STK38L: variants seen among roughly 807,000 people sequenced by gnomAD.
STK38L encodes the protein serine/threonine kinase 38 like.
A neutral mutation model predicts 59.7 loss-of-function variants in STK38L; 28 were observed. The observed-to-expected ratio is 0.47, with a 90% CI of 0.35 to 0.64. The LOEUF is 0.64. Among genes scored for constraint, STK38L ranks in the 30% least tolerant of loss-of-function variants. The pLI, the probability that STK38L is intolerant of heterozygous loss-of-function variation, is 0.01. For synonymous variants in STK38L, 162 were observed against 176.8 expected (o/e 0.92, Z 0.66); for missense variants, 314 against 555.8 (o/e 0.56, Z 4.37).
intron 11 of STK38L, among the ~76,000 whole-genome samples, chr12:27,318,537 G>T (rs1944642671): frequency 6.6e-6 from 1 of 152,130 alleles, no homozygotes; most frequent in Non-Finnish European, 1.5e-5. Flanking sequence ...TACTTCTAGG[G>T]ATTTCGCTTA....
At chr12:27,267,738 TC>T (rs34889661) in intron 1 of STK38L, among the ~76,000 whole-genome samples, 129,128 of 151,528 alleles carry the variant, frequency 0.85, 55,222 homozygotes, top group Non-Finnish European at 0.89. Context: ...TCTTCCTCAT[TC>T]GAAACTAGAT....
chr12:27,315,332 G>A lies in STK38L; in HGVS notation c.819G>A (p.Lys273=), dbSNP rs1206825373. Reference sequence around the variant, plus strand: ...CAAAGAGGAAAGCAGAAACTTGGAAGAAGAACAGGAGACAACTGGTGAGTC... The same window carrying A: ...CAAAGAGGAAAGCAGAAACTTGGAAAAAGAACAGGAGACAACTGGTGAGTC... ...MNSKRKAETW[K]KNRRQLAYST... The change falls in exon 9 of 14, where the codon AAG becomes AAA. Residue 273 remains lysine, a synonymous_variant. Coordinates refer to ENST00000389032, the MANE Select transcript of STK38L (RefSeq NM_015000.4). 1 of 1,613,596 alleles carries A rather than the reference G, an allele frequency of 6.2e-7. No individual in the cohort carries two copies. The highest frequency in any genetic ancestry group is 1.3e-5 in the African/African-American group (1 of 74,886).
At chr12:27,302,018 G>GC in intron 2 of STK38L, 119 bp from the exon 3 acceptor site, 1 of 554,174 alleles carries the variant, frequency 1.8e-6, no homozygotes, top group Non-Finnish European at 2.8e-6. Flanking sequence ...CAACTTGAAA[G>GC]TTTTTTTTTT....
At chr12:27,277,392 C>CCACA (rs58648742) in intron 1 of STK38L, among the ~76,000 whole-genome samples, 45 of 148,694 alleles carry the variant, frequency 3.0e-4, no homozygotes, top group Non-Finnish European at 5.7e-4. Context: ...CTGGAAGGAA[C>CCACA]CACACACACA....
At chr12:27,277,392 CCACACACACACACACA>C (rs58648742) in intron 1 of STK38L, among the ~76,000 whole-genome samples, 3 of 148,694 alleles carry the variant, frequency 2.0e-5, no homozygotes, top group Non-Finnish European at 4.5e-5. Context: ...CTGGAAGGAA[CCACACACACACACACA>C]CACACACACA....
chr12:27,303,074 C>T (rs180756223), intron 3 of STK38L, among the ~76,000 whole-genome samples: 2 of 150,594 alleles, frequency 1.3e-5, no homozygotes, highest in African/African-American at 2.4e-5. Context: ...TTATCTCTCT[C>T]TAGCCTCATC....
chr12:27,309,713 T>G (rs1423226565), intron 5 of STK38L, among the ~76,000 whole-genome samples: 2 of 152,218 alleles, frequency 1.3e-5, no homozygotes, highest in Non-Finnish European at 2.9e-5. Context: ...CATTGGAGAT[T>G]AAAGCTTTAC....
intron 3 of STK38L, among the ~76,000 whole-genome samples, chr12:27,306,656 G>C (rs1346381399): frequency 2.0e-5 from 3 of 149,138 alleles, no homozygotes; most frequent in Non-Finnish European, 4.4e-5. Flanking sequence ...TGATATTTAA[G>C]TAGCTTCCCT....
intron 1 of STK38L, chr12:27,245,670 T>C (rs1430883960): frequency 6.6e-6 from 1 of 152,154 alleles, no homozygotes; most frequent in Non-Finnish European, 1.5e-5. Context: ...GTATGTGAAT[T>C]AGCCACCCTT....
intron 1 of STK38L, among the ~76,000 whole-genome samples, chr12:27,289,366 T>G (rs1943847671): frequency 6.6e-6 from 1 of 152,148 alleles, no homozygotes; most frequent in Non-Finnish European, 1.5e-5. Flanking sequence ...TAAAAAAAAA[T>G]GAAGTTCAGA....
intron 1 of STK38L, among the ~76,000 whole-genome samples, chr12:27,282,511 A>G (rs1009636162): frequency 6.6e-6 from 1 of 152,010 alleles, no homozygotes; most frequent in Non-Finnish European, 1.5e-5. Context: ...AATCAAAGGA[A>G]TGTATAAGCA....
At chr12:27,266,964 G>C (rs1231744667) in intron 1 of STK38L, among the ~76,000 whole-genome samples, 1 of 152,108 alleles carries the variant, frequency 6.6e-6, no homozygotes, top group African/African-American at 2.4e-5. Context: ...TAAGAAAAAA[G>C]CGTTTTGTAG....
chr12:27,314,838 TCTCC>T (rs1156963617), intron 7 of STK38L, among the ~76,000 whole-genome samples, 173 bp from the exon 8 acceptor site: 3 of 152,206 alleles, frequency 2.0e-5, no homozygotes, highest in Admixed American at 2.0e-4. Context: ...TCTCTTTTTA[TCTCC>T]CTCCATTTTC....
At chr12:27,297,205 T>G (rs987837329) in intron 1 of STK38L, 1 of 152,872 alleles carries the variant, frequency 6.5e-6, no homozygotes, top group African/African-American at 2.4e-5. Context: ...ACGTGAACGT[T>G]GCTTTAGGCT....
intron 9 of STK38L, 115 bp downstream of exon 9, chr12:27,315,465 G>A: frequency 1.3e-6 from 1 of 793,344 alleles, no homozygotes; most frequent in Non-Finnish European, 2.0e-6. Flanking sequence ...AACAATGGTA[G>A]CGCTTGCTCT....
intron 3 of STK38L, among the ~76,000 whole-genome samples, chr12:27,304,248 GAGTCTGTCTCAAAAAA>G (rs1274820810): frequency 1.6e-5 from 2 of 127,624 alleles, no homozygotes; most frequent in African/African-American, 6.2e-5. Context: ...GACAGGGTGA[GAGTCTGTCTCAAAAAA>G]AAAAAAAAAA....
rs1341875905 is a variant in STK38L, at chr12:27,314,658, G to C, written c.672G>C (p.Lys224Asn). 6.3e-7 allele frequency: 1 copy of C among 1,594,800 alleles called. No homozygotes were observed. The change falls in exon 7 of 14, where the codon AAG becomes AAC. Residue 224 changes from lysine to asparagine, a missense_variant and splice_region_variant. By Grantham distance (94) the Lys-to-Asn change is moderately conservative. Transcript: ENST00000389032. ...CAGACAACCTTTTATTGGATGCCAA[G>C]GCATGTGAATAAACTGGTGAATTAC... ...IKPDNLLLDA[K>N]GHVKLSDFGL...
chr12:27,299,262 T>C (rs1944105028), intron 2 of STK38L, among the ~76,000 whole-genome samples: 1 of 152,214 alleles, frequency 6.6e-6, no homozygotes, highest in South Asian at 2.1e-4. Flanking sequence ...GATACAGGTA[T>C]GGTGAGAATT....
intron 1 of STK38L, chr12:27,245,764 A>G (rs1407732937): frequency 6.6e-6 from 1 of 152,074 alleles, no homozygotes; most frequent in African/African-American, 2.4e-5. Flanking sequence ...AAGTTCATCA[A>G]ACTACTTCCA....
Sources: gnomAD v4.1 joint callset for allele counts (sites outside exome capture counted in the v4.1 genomes callset) on GRCh38, gnomAD v4.1.1 for gene constraint, MANE v1.5 for transcripts, NCBI Gene and HGNC (gene_info 2026-07-23, HGNC 2026-07-21) for gene names.